Variants in RNF152 observed in about 807,000 individuals in gnomAD.
The protein encoded by RNF152 is ring finger protein 152.
Under a neutral mutation model 12.7 loss-of-function variants are expected in RNF152, and 11 were observed. That is an observed-to-expected ratio of 0.86 (90% CI 0.54 to 1.43). The LOEUF (loss-of-function observed/expected upper bound fraction) is 1.43, where lower values mean the gene tolerates loss of function less well. Among genes scored for constraint, RNF152 ranks in the 40% most tolerant of loss-of-function variants. The pLI is 0.00. For missense variants in RNF152, 255 were observed against 274.8 expected, an observed-to-expected ratio of 0.93 and a Z score of 0.51; for synonymous variants, 113 against 120.3, an observed-to-expected ratio of 0.94 and a Z score of 0.40.
chr18:61,832,855 C>T (rs1387064643), intron 1 of RNF152, among the ~76,000 whole-genome samples: 2 of 152,232 alleles, frequency 1.3e-5, no homozygotes, highest in African/African-American at 2.4e-5. Flanking sequence ...GATGACAATA[C>T]ATCTTGCCAG....
At chr18:61,827,223 T>C (rs1244479328) in intron 1 of RNF152, among the ~76,000 whole-genome samples, 1 of 152,220 alleles carries the variant, frequency 6.6e-6, no homozygotes, top group African/African-American at 2.4e-5. Context: ...TAAATTTCGA[T>C]TTGGCCAGGT....
In RNF152 at chr18:61,816,376, A is replaced by G; in HGVS notation, c.88T>C (p.Cys30Arg). The G allele has an allele frequency of 6.2e-7, 1 of 1,614,196 alleles. No homozygotes were observed. The highest frequency in any genetic ancestry group is 8.5e-7 in the Non-Finnish European group (1 of 1,180,032). Residue 30 changes from cysteine to arginine, a missense_variant, in exon 2 of 2, where the codon TGC becomes CGC. Cys to Arg is a radical substitution (Grantham distance 180, BLOSUM62 -3). Transcript: ENST00000312828. ...CACACTGAACAGCAGGTGTGCTTGC[A>G]GTCCAGCAACTTGGGCCTGCGCCGG... ...SPRRRPKLLD[C>R]KHTCCSVCLQ... is the part of the protein sequence containing the mutation.
intron 1 of RNF152, among the ~76,000 whole-genome samples, chr18:61,874,036 T>G (rs539513104): frequency 6.6e-6 from 1 of 152,350 alleles, no homozygotes; most frequent in Non-Finnish European, 1.5e-5. Flanking sequence ...TGATCATTCT[T>G]CATACTATAA....
intron 1 of RNF152, among the ~76,000 whole-genome samples, chr18:61,829,527 A>G (rs1240220929): frequency 6.8e-6 from 1 of 147,914 alleles, no homozygotes; most frequent in Non-Finnish European, 1.5e-5. Context: ...CAGGGGAGGG[A>G]GAGAGAGAGA....
intron 1 of RNF152, among the ~76,000 whole-genome samples, chr18:61,839,066 A>G (rs1910322291): frequency 6.6e-6 from 1 of 152,126 alleles, no homozygotes; most frequent in East Asian, 1.9e-4. Context: ...AAAAAAAAAA[A>G]AAAAAGTACT....
At chr18:61,864,778 T>C (rs1320173276) in intron 1 of RNF152, among the ~76,000 whole-genome samples, 1 of 152,084 alleles carries the variant, frequency 6.6e-6, no homozygotes, top group East Asian at 1.9e-4. Context: ...TCGGGCACAG[T>C]GCTCACGCCT....
chr18:61,843,812 A>G (rs1312601624), intron 1 of RNF152, among the ~76,000 whole-genome samples: 2 of 152,048 alleles, frequency 1.3e-5, no homozygotes, highest in East Asian at 1.9e-4. Flanking sequence ...GGGAAAGAGG[A>G]CTTATTATTT....
chr18:61,854,551 G>A lies in RNF152; in HGVS notation c.-135-37953C>T, dbSNP rs191234736. Among the ~76,000 whole-genome samples, 327 of 152,274 alleles carry A rather than the reference G, an allele frequency of 2.1e-3. 1 individual carries two copies. The highest frequency in any genetic ancestry group is 7.4e-3 in the African/African-American group (308 of 41,554). Reference sequence around the variant, plus strand: ...TCCCCTCTTCCTCTTTCTCAACTGAGCGAATTAAAGAGGGCTGGGAGGTGG... The same window carrying A: ...TCCCCTCTTCCTCTTTCTCAACTGAACGAATTAAAGAGGGCTGGGAGGTGG... On this transcript the variant is annotated intron_variant, in intron 1 of 1. Coordinates refer to ENST00000312828, the MANE Select transcript of RNF152 (RefSeq NM_173557.3).
At chr18:61,838,668 CAAGG>C (rs1457204413) in intron 1 of RNF152, among the ~76,000 whole-genome samples, 2 of 152,132 alleles carry the variant, frequency 1.3e-5, no homozygotes, top group East Asian at 1.9e-4. Context: ...GCCAGGAAGA[CAAGG>C]AAGAGCTGCT....
At chr18:61,850,523 T>C (rs1910922350) in intron 1 of RNF152, among the ~76,000 whole-genome samples, 1 of 152,188 alleles carries the variant, frequency 6.6e-6, no homozygotes, top group African/African-American at 2.4e-5. Flanking sequence ...ACCATCAAAC[T>C]TGGTTAACAG....
rs1913020966 is a variant in RNF152 at position 61,892,808 on chromosome 18, C to T, written c.-149G>A. 1 of 152,176 alleles carries T rather than the reference C, an allele frequency of 6.6e-6. No homozygotes were observed. The highest frequency in any genetic ancestry group is 1.5e-5 in the Non-Finnish European group (1 of 68,092). The allele number at this position is 152,176 out of a possible 1,614,324, so 9.4% of individuals were successfully genotyped here. A position where few individuals can be genotyped will look rare whatever the true frequency, so the allele number is the denominator to read the frequency against. On this transcript the variant is annotated 5_prime_UTR_variant, in exon 1 of 2. Transcript: ENST00000312828. ...GTGGGGGGTTACCTGTATCTGTCAC[C>T]GAGTCTCTTTCACCCCTTCTGCGTG... is the stretch of plus-strand genomic sequence containing the variant.
intron 1 of RNF152, among the ~76,000 whole-genome samples, chr18:61,851,678 G>A (rs1354363567): frequency 6.6e-6 from 1 of 152,120 alleles, no homozygotes; most frequent in African/African-American, 2.4e-5. Context: ...AATTCACCCA[G>A]GGCAATCTTA....
rs1599317499 is a variant in RNF152, at chr18:61,873,408, G to A, written c.-136+19387C>T. Among the ~76,000 whole-genome samples, 7 of 152,286 alleles carry A rather than the reference G, an allele frequency of 4.6e-5. 1 individual carries two copies. Among genetic ancestry groups the A allele is most frequent in the Admixed American group, 4.6e-4 (7 of 15,294 alleles). On this transcript the variant is annotated intron_variant, in intron 1 of 1. Transcript: ENST00000312828. Reference sequence around the variant, plus strand: ...GCTGGGGTGCAATGGCGCTATCTCGGCTCACCGCAACCTCTGCCTCCTGGG... The same window carrying A: ...GCTGGGGTGCAATGGCGCTATCTCGACTCACCGCAACCTCTGCCTCCTGGG...
chr18:61,824,305 T>C (rs894730867), intron 1 of RNF152, among the ~76,000 whole-genome samples: 1 of 152,244 alleles, frequency 6.6e-6, no homozygotes, highest in African/African-American at 2.4e-5. Flanking sequence ...ATGAGGACTC[T>C]GGATTAGATG....
intron 1 of RNF152, among the ~76,000 whole-genome samples, chr18:61,830,512 T>C (rs902897387): frequency 2.0e-5 from 3 of 152,248 alleles, no homozygotes; most frequent in African/African-American, 7.2e-5. Context: ...CTAATATTTG[T>C]CTGGCTTATT....
intron 1 of RNF152, among the ~76,000 whole-genome samples, chr18:61,892,560 T>C (rs1332784855): frequency 2.0e-5 from 3 of 152,200 alleles, no homozygotes; most frequent in Non-Finnish European, 4.4e-5. Flanking sequence ...GGAAACCAGG[T>C]GGGATTTCTA....
At chr18:61,844,096 A>AAGAAAGAAAG (rs1910606197) in intron 1 of RNF152, among the ~76,000 whole-genome samples, 1 of 121,966 alleles carries the variant, frequency 8.2e-6, no homozygotes, top group Non-Finnish European at 1.9e-5. Context: ...GAAAGAAAGA[A>AAGAAAGAAAG]AGAAAGAAAG....
At chr18:61,839,634 C>A (rs557524771) in intron 1 of RNF152, among the ~76,000 whole-genome samples, 4 of 152,010 alleles carry the variant, frequency 2.6e-5, no homozygotes, top group Admixed American at 1.3e-4. Context: ...GGTGGCTCAC[C>A]CCTGTAATCC....
At chr18:61,878,158 A>G (rs1912299597) in intron 1 of RNF152, among the ~76,000 whole-genome samples, 1 of 152,184 alleles carries the variant, frequency 6.6e-6, no homozygotes, top group South Asian at 2.1e-4. Flanking sequence ...CCACCTAGGT[A>G]CAGAAAGTAG....
Sources: allele counts gnomAD v4.1 joint callset (sites outside exome capture counted in the v4.1 genomes callset), GRCh38; gene constraint gnomAD v4.1.1; transcripts MANE v1.5; gene names NCBI Gene and HGNC (gene_info 2026-07-23, HGNC 2026-07-21).